The following PRKG1 variants were observed in gnomAD, a reference collection of about 807,000 sequenced individuals.
PRKG1 encodes the protein protein kinase cGMP-dependent 1.
In PRKG1, 35 loss-of-function variants were observed where a neutral mutation model predicts 88.1. The ratio of observed to expected loss-of-function variants is 0.40; its 90% CI spans 0.30 to 0.53. The LOEUF is 0.53. Ranked by LOEUF, PRKG1 falls within the 20% of genes least tolerant of loss-of-function variation. PRKG1 has a pLI of 0.59. For missense variants in PRKG1, 540 were observed against 839.8 expected, an observed-to-expected ratio of 0.64 and a Z score of 4.41; for synonymous variants, 303 against 292.5, an observed-to-expected ratio of 1.04 and a Z score of -0.37.
intron 1 of PRKG1, among the ~76,000 whole-genome samples, chr10:51,107,725 G>A (rs1176269120): frequency 6.7e-6 from 1 of 149,528 alleles, no homozygotes; most frequent in Non-Finnish European, 1.5e-5. Flanking sequence ...TTGGGAGGCT[G>A]AGCTGGGAGG....
intron 7 of PRKG1, among the ~76,000 whole-genome samples, chr10:52,105,179 A>G (rs1415706702): frequency 6.6e-6 from 1 of 151,790 alleles, no homozygotes; most frequent in Non-Finnish European, 1.5e-5. Flanking sequence ...TGGTGAAATT[A>G]AGAGACAACT....
At chr10:51,264,858 T>A (rs900845046) in intron 2 of PRKG1, among the ~76,000 whole-genome samples, 5 of 152,186 alleles carry the variant, frequency 3.3e-5, no homozygotes, top group African/African-American at 1.2e-4. Context: ...ATTTGGGAAT[T>A]GTCCTTTTAA....
intron 1 of PRKG1, among the ~76,000 whole-genome samples, chr10:51,085,863 T>C (rs969857464): frequency 1.3e-5 from 2 of 152,216 alleles, no homozygotes; most frequent in Non-Finnish European, 2.9e-5. Flanking sequence ...TGAAAAGCTT[T>C]AGAAATAATG....
chr10:51,921,237 C>G (rs1394247794), intron 5 of PRKG1, among the ~76,000 whole-genome samples: 1 of 152,028 alleles, frequency 6.6e-6, no homozygotes, highest in East Asian at 1.9e-4. Flanking sequence ...TATAGGAAAT[C>G]AATTGACTTT....
chr10:51,019,632 A>T (rs1216559329), intron 1 of PRKG1, among the ~76,000 whole-genome samples: 3 of 152,166 alleles, frequency 2.0e-5, no homozygotes, highest in African/African-American at 7.2e-5. Context: ...AAAAGAAAAA[A>T]AATAGACAAA....
rs73337547 is a variant in PRKG1, at chr10:51,241,447, G to A, written c.478+88117G>A. Reference sequence around the variant, plus strand: ...GAAAGATAATCACACAATTTAAGACGAGGAAGCTCATCTTAATTTAAGCCG... The same window carrying A: ...GAAAGATAATCACACAATTTAAGACAAGGAAGCTCATCTTAATTTAAGCCG... On this transcript the variant is annotated intron_variant, in intron 2 of 17. Transcript: ENST00000373980. Among the ~76,000 whole-genome samples the A allele has an allele frequency of 3.8e-3, 574 of 152,222 alleles. 2 individuals are homozygous for A. The highest frequency in any genetic ancestry group is 0.013 in the African/African-American group (559 of 41,530).
At chr10:51,828,107 A>G (rs1268088536) in intron 4 of PRKG1, among the ~76,000 whole-genome samples, 1 of 152,166 alleles carries the variant, frequency 6.6e-6, no homozygotes, top group Non-Finnish European at 1.5e-5. Context: ...TAACATCTAT[A>G]TATATTAGGT....
chr10:51,867,068 C>T (rs1358765802), intron 4 of PRKG1, among the ~76,000 whole-genome samples: 1 of 152,126 alleles, frequency 6.6e-6, no homozygotes, highest in African/African-American at 2.4e-5. Context: ...GAAAACCATA[C>T]ACCATACACT....
At chr10:51,820,572 A>T (rs1839717602) in intron 4 of PRKG1, among the ~76,000 whole-genome samples, 1 of 152,044 alleles carries the variant, frequency 6.6e-6, no homozygotes, top group African/African-American at 2.4e-5. Context: ...TGAGCCTAGG[A>T]CCACACCCCA....
At chr10:51,678,595 A>C (rs1303717221) in intron 3 of PRKG1, among the ~76,000 whole-genome samples, 1 of 152,198 alleles carries the variant, frequency 6.6e-6, no homozygotes. Context: ...CTATATGATA[A>C]AGGGTTATTA....
At chr10:51,737,740 A>AATTAATTATTATTATT (rs1554837023) in intron 3 of PRKG1, among the ~76,000 whole-genome samples, 2 of 133,424 alleles carry the variant, frequency 1.5e-5, no homozygotes, top group East Asian at 4.4e-4. Context: ...TTTATTTATT[A>AATTAATTATTATTATT]ATTATTATTA....
chr10:51,457,278 A>T (rs1839610663), intron 2 of PRKG1, among the ~76,000 whole-genome samples: 2 of 152,224 alleles, frequency 1.3e-5, no homozygotes, highest in East Asian at 3.8e-4. Flanking sequence ...CATTAGCAGC[A>T]ACCTGGATGG....
chr10:52,012,852 ATG>A (rs892221391), intron 5 of PRKG1, among the ~76,000 whole-genome samples: 2 of 152,200 alleles, frequency 1.3e-5, no homozygotes, highest in African/African-American at 4.8e-5. Context: ...ACAGAATACC[ATG>A]TGTGAGATGT....
At chr10:52,130,905 T>C (rs1234166646) in intron 7 of PRKG1, among the ~76,000 whole-genome samples, 1 of 151,968 alleles carries the variant, frequency 6.6e-6, no homozygotes, top group Non-Finnish European at 1.5e-5. Context: ...CATGAAGGTG[T>C]TGGGGATGAA....
At chr10:51,902,593 T>A (rs1842003463) in intron 4 of PRKG1, among the ~76,000 whole-genome samples, 1 of 152,176 alleles carries the variant, frequency 6.6e-6, no homozygotes, top group Non-Finnish European at 1.5e-5. Context: ...AACTTAAGGA[T>A]TTCAAAAGAA....
chr10:52,055,512 T>A (rs1846089340), intron 6 of PRKG1, among the ~76,000 whole-genome samples: 1 of 152,296 alleles, frequency 6.6e-6, no homozygotes, highest in South Asian at 2.1e-4. Flanking sequence ...AACTAAGAAA[T>A]TGAGTGAATT....
chr10:51,430,138 A>AG (rs1564491378), intron 2 of PRKG1, among the ~76,000 whole-genome samples: 1 of 148,914 alleles, frequency 6.7e-6, no homozygotes, highest in East Asian at 1.9e-4. Context: ...AAAAAAAGCC[A>AG]GGCGTGGTGG....
intron 2 of PRKG1, among the ~76,000 whole-genome samples, chr10:51,349,029 A>G (rs1842178497): frequency 6.6e-6 from 1 of 152,202 alleles, no homozygotes; most frequent in South Asian, 2.1e-4. Flanking sequence ...TTAATCCCTT[A>G]CCATAAGTCA....
chr10:52,061,933 C>T (rs1017855866), intron 6 of PRKG1, among the ~76,000 whole-genome samples: 69 of 151,450 alleles, frequency 4.6e-4, no homozygotes, highest in African/African-American at 1.6e-3. Context: ...CATATGGAGG[C>T]ATTTAGAAGG....
Sources: gnomAD v4.1 joint callset for allele counts (sites outside exome capture counted in the v4.1 genomes callset) on GRCh38, gnomAD v4.1.1 for gene constraint, MANE v1.5 for transcripts, NCBI Gene and HGNC (gene_info 2026-07-23, HGNC 2026-07-21) for gene names.